Variants in PLPP1 observed in about 807,000 individuals in gnomAD.
The protein encoded by PLPP1 is phospholipid phosphatase 1, also known as lipid phosphate phosphohydrolase 1a.
In PLPP1, 24 loss-of-function variants were observed where a neutral mutation model predicts 31.2. The observed-to-expected ratio is 0.77, with a 90% CI of 0.56 to 1.08. The LOEUF (loss-of-function observed/expected upper bound fraction) is 1.08. Among genes scored for constraint, PLPP1 ranks in the 50% least tolerant of loss-of-function variants. The pLI is 0.00. For missense variants in PLPP1, 319 were observed against 342.7 expected (o/e 0.93, Z 0.55); for synonymous variants, 146 against 126.3 (o/e 1.16, Z -1.05).
chr5:55,465,272 T>C, intron 3 of PLPP1, among the ~76,000 whole-genome samples: 1 of 152,186 alleles, frequency 6.6e-6, no homozygotes, highest in Non-Finnish European at 1.5e-5. Flanking sequence ...CTTGAACTCC[T>C]GACCTCGAGT....
At chr5:55,443,977 T>A (rs936117621) in intron 3 of PLPP1, among the ~76,000 whole-genome samples, 28 of 152,066 alleles carry the variant, frequency 1.8e-4, no homozygotes, top group Non-Finnish European at 4.1e-4. Flanking sequence ...TTTATCGGAG[T>A]CTTTAGTAGA....
chr5:55,511,000 C>G (rs575590960), intron 1 of PLPP1, among the ~76,000 whole-genome samples: 2 of 152,182 alleles, frequency 1.3e-5, no homozygotes, highest in East Asian at 3.9e-4. Flanking sequence ...CCCCTGCTCT[C>G]TTTCCGAGCC....
At chr5:55,503,383 A>T (rs1753187183) in intron 1 of PLPP1, among the ~76,000 whole-genome samples, 1 of 152,198 alleles carries the variant, frequency 6.6e-6, no homozygotes, top group African/African-American at 2.4e-5. Flanking sequence ...GGAACACCAA[A>T]TCTCACTCAA....
Position 55,534,583 on chromosome 5 carries a change from C to G in PLPP1, c.47G>C (p.Cys16Ser). The G allele has an allele frequency of 1.3e-6, 2 of 1,555,020 alleles. No individual in the cohort carries two copies. Among genetic ancestry groups the G allele is most frequent in the Non-Finnish European group, 1.7e-6 (2 of 1,152,570 alleles). Residue 16 changes from cysteine (C) to serine (S), a missense_variant, in exon 1 of 6, where the codon TGC becomes TCC. Physicochemically the swap from Cys to Ser is moderately radical, Grantham distance 112. Coordinates refer to ENST00000307259, the MANE Select transcript of PLPP1 (RefSeq NM_003711.4). ...CGGCGCGTACGTACCCAGCAACACG[C>G]AGAGCACATCGAGGGCCACGTACGG... ...RLPYVALDVL[C>S]VLLAGLPFAI...
Position 55,425,181 on chromosome 5 carries a change from C to G in PLPP1, c.*25G>C. 6.2e-7 allele frequency: 1 copy of G among 1,602,130 alleles called. No individual in the cohort carries two copies. Among genetic ancestry groups the G allele is most frequent in the South Asian group, 1.1e-5 (1 of 89,206 alleles). ...CATTTTCCTTTAGAAAACAGGCCAG[C>G]TTCACCTGGGCACCCTGCTGCCTTT... On this transcript the variant is annotated 3_prime_UTR_variant, in exon 6 of 6. Transcript: ENST00000307259.
chr5:55,510,956 C>T (rs1429014685), intron 1 of PLPP1, among the ~76,000 whole-genome samples: 1 of 152,176 alleles, frequency 6.6e-6, no homozygotes, highest in East Asian at 1.9e-4. Flanking sequence ...ATGCTTACTC[C>T]CTGATCTTTC....
intron 1 of PLPP1, among the ~76,000 whole-genome samples, chr5:55,534,366 C>T (rs1364365412): frequency 6.6e-6 from 1 of 152,174 alleles, no homozygotes; most frequent in African/African-American, 2.4e-5. Flanking sequence ...CTCATCGCAC[C>T]GGCGGGCGAC....
At chr5:55,425,675 T>TAA (rs1554035911) in intron 5 of PLPP1, 188 bp downstream of exon 5, 4 of 518,030 alleles carry the variant, frequency 7.7e-6, no homozygotes, top group Admixed American at 7.8e-5. Flanking sequence ...ACAAAACTAC[T>TAA]AAGTTTTAGA....
At chr5:55,496,202 C>G (rs1253606933) in intron 1 of PLPP1, among the ~76,000 whole-genome samples, 4 of 150,436 alleles carry the variant, frequency 2.7e-5, no homozygotes, top group Non-Finnish European at 5.9e-5. Flanking sequence ...GATGAGAGTT[C>G]TGTGTTAAAG....
Position 55,534,813 on chromosome 5 carries a change from C to T in PLPP1, c.-184G>A. ...GCGGCGCTCCCACCGCCAGCAATGGCGCCCGGGGCCCTCCCCTCACAGCCC... is the reference window on the plus strand; with the variant it reads ...GCGGCGCTCCCACCGCCAGCAATGGTGCCCGGGGCCCTCCCCTCACAGCCC... On this transcript the variant is annotated 5_prime_UTR_variant, in exon 1 of 6. Coordinates refer to ENST00000307259, the MANE Select transcript of PLPP1 (RefSeq NM_003711.4). 1 of 573,958 alleles carries T rather than the reference C, an allele frequency of 1.7e-6. No individual in the cohort carries two copies. The highest frequency in any genetic ancestry group is 2.9e-6 in the Non-Finnish European group (1 of 341,150). 35.6% of individuals were successfully genotyped at this position (573,958 alleles called of 1,614,324 possible).
intron 1 of PLPP1, among the ~76,000 whole-genome samples, chr5:55,480,399 G>C (rs1013617740): frequency 1.3e-5 from 2 of 151,172 alleles, no homozygotes; most frequent in African/African-American, 4.9e-5. Context: ...TCTAGTTTTA[G>C]AATATTTTCA....
chr5:55,473,264 C>T (rs931060557), intron 2 of PLPP1, among the ~76,000 whole-genome samples: 4 of 152,106 alleles, frequency 2.6e-5, no homozygotes, highest in South Asian at 2.1e-4. Context: ...AAAACTTCCC[C>T]GTACTTTGGG....
At position 55,534,807 on chromosome 5, in the gene PLPP1, C is replaced by T. The variant is rs921204506; in HGVS notation, c.-178G>A. On this transcript the variant is annotated 5_prime_UTR_variant, in exon 1 of 6. Transcript: ENST00000307259. ...GACCGGGCGGCGCTCCCACCGCCAG[C>T]AATGGCGCCCGGGGCCCTCCCCTCA... 1.7e-6 allele frequency: 1 copy of T among 594,124 alleles called. No homozygotes were observed. The highest frequency in any genetic ancestry group is 2.8e-6 in the Non-Finnish European group (1 of 358,970). The allele number at this position is 594,124 out of a possible 1,614,324, so 36.8% of individuals were successfully genotyped here. A position where few individuals can be genotyped will look rare whatever the true frequency, so the allele number is the denominator to read the frequency against.
chr5:55,491,101 C>T, intron 1 of PLPP1: 1 of 1,613,046 alleles, frequency 6.2e-7, no homozygotes. Flanking sequence ...TTAGAACAGC[C>T]ATAGGCATGG....
At chr5:55,492,889 T>C (rs756923929) in intron 1 of PLPP1, among the ~76,000 whole-genome samples, 1 of 151,908 alleles carries the variant, frequency 6.6e-6, no homozygotes, top group Non-Finnish European at 1.5e-5. Context: ...TCTTCCAGAG[T>C]TAGGGAATAT....
Position 55,533,624 on chromosome 5 carries a change from C to T in PLPP1, c.58+948G>A, listed in dbSNP as rs2111970065. Among the ~76,000 whole-genome samples, 2 of 152,282 alleles carry T rather than the reference C, an allele frequency of 1.3e-5. 1 individual carries two copies. The highest frequency in any genetic ancestry group is 6.8e-3 in the Middle Eastern group (2 of 294). The stretch of plus-strand genomic sequence containing the variant: ...ACAGATCTCCCACCCTGAGAACTTG[C>T]CAATACTACTACTATTCTGATTACT... On this transcript the variant is annotated intron_variant, in intron 1 of 5. Coordinates refer to ENST00000307259, the MANE Select transcript of PLPP1 (RefSeq NM_003711.4).
chr5:55,438,114 A>C (rs183043440), intron 4 of PLPP1, among the ~76,000 whole-genome samples: 6 of 152,330 alleles, frequency 3.9e-5, no homozygotes, highest in Admixed American at 3.9e-4. Context: ...CTGGGGTTAC[A>C]GCCTCAATAG....
intron 1 of PLPP1, among the ~76,000 whole-genome samples, chr5:55,492,733 T>A (rs1024182660): frequency 6.6e-6 from 1 of 152,232 alleles, no homozygotes; most frequent in African/African-American, 2.4e-5. Context: ...TTAGGCCACA[T>A]AGATTAACTC....
intron 1 of PLPP1, among the ~76,000 whole-genome samples, chr5:55,499,643 T>A (rs1402386095): frequency 6.6e-6 from 1 of 151,808 alleles, no homozygotes; most frequent in Non-Finnish European, 1.5e-5. Flanking sequence ...AACAACTCCA[T>A]GAGTCCTCAG....
Sources: gnomAD v4.1 joint callset for allele counts (sites outside exome capture counted in the v4.1 genomes callset) on GRCh38, gnomAD v4.1.1 for gene constraint, MANE v1.5 for transcripts, NCBI Gene and HGNC (gene_info 2026-07-23, HGNC 2026-07-21) for gene names.